Variants in TRPC5 observed in about 807,000 individuals in gnomAD.
The protein encoded by TRPC5 is transient receptor potential cation channel subfamily C member 5.
Under a neutral mutation model 56.5 loss-of-function variants are expected in TRPC5, and 9 were observed. That is an observed-to-expected ratio of 0.16 (90% CI 0.10 to 0.28). The LOEUF (loss-of-function observed/expected upper bound fraction) is 0.28. Ranked by LOEUF, TRPC5 falls within the 10% of genes least tolerant of loss-of-function variation. The probability of loss-of-function intolerance (pLI) is 1.00; values close to 1 mark genes in which losing one functional copy is unlikely to be tolerated. For missense variants in TRPC5, 469 were observed against 748.9 expected (o/e 0.63, Z 4.36); for synonymous variants, 282 against 278.5 (o/e 1.01, Z -0.13).
At chrX:111,808,231 G>A (rs958958517) in intron 7 of TRPC5, among the ~76,000 whole-genome samples, 1 of 110,625 alleles carries the variant, frequency 9.0e-6, no homozygotes, top group Non-Finnish European at 1.9e-5. Context: ...AGTTCCCCCA[G>A]TCCCCAGGTG....
chrX:111,995,887 G>T (rs1928512539), intron 1 of TRPC5, among the ~76,000 whole-genome samples: 2 of 108,869 alleles, frequency 1.8e-5, no homozygotes, highest in Non-Finnish European at 1.9e-5. Flanking sequence ...TATTAGTCTT[G>T]CTAGCGGTCT....
chrX:111,847,808 GA>G (rs368047879), intron 5 of TRPC5, among the ~76,000 whole-genome samples: 5 of 111,654 alleles, frequency 4.5e-5, no homozygotes, highest in African/African-American at 1.6e-4. Flanking sequence ...AGATAGTGGG[GA>G]AAAATCACCC....
intron 7 of TRPC5, among the ~76,000 whole-genome samples, chrX:111,833,584 A>G (rs1016972093): frequency 1.8e-5 from 2 of 111,305 alleles, no homozygotes; most frequent in African/African-American, 6.5e-5. Context: ...TTTCATTGCC[A>G]TTTATAGTTA....
At chrX:111,852,779 A>G (rs971310445) in intron 4 of TRPC5, among the ~76,000 whole-genome samples, 5 of 111,966 alleles carry the variant, frequency 4.5e-5, no homozygotes, top group Admixed American at 1.9e-4. Context: ...CAATAAATTA[A>G]TTAGATCAGT....
At chrX:111,949,272 G>A (rs1203001597) in intron 2 of TRPC5, among the ~76,000 whole-genome samples, 1 of 112,159 alleles carries the variant, frequency 8.9e-6, no homozygotes, top group East Asian at 2.8e-4. Context: ...CTAGGTATTG[G>A]CTTAGGCAAA....
At chrX:111,999,192 T>G (rs73548146) in intron 1 of TRPC5, among the ~76,000 whole-genome samples, 17,482 of 110,773 alleles carry the variant, frequency 0.16, 3,146 homozygotes, top group African/African-American at 0.52. Context: ...GAACATGCAG[T>G]AACACTATAA....
At chrX:111,788,923 AC>A (rs915706236) in intron 7 of TRPC5, among the ~76,000 whole-genome samples, 1 of 112,056 alleles carries the variant, frequency 8.9e-6, no homozygotes, top group Non-Finnish European at 1.9e-5. Context: ...TAGGGTACAA[AC>A]AAATGGAAGA....
chrX:112,035,198 T>A (rs73266338), intron 1 of TRPC5, among the ~76,000 whole-genome samples: 4,112 of 109,930 alleles, frequency 0.037, 79 homozygotes, highest in Middle Eastern at 0.06. Context: ...TACTTACCTG[T>A]TTCTCTGTAT....
intron 7 of TRPC5, among the ~76,000 whole-genome samples, chrX:111,804,778 A>G (rs1469181673): frequency 1.8e-5 from 2 of 111,786 alleles, no homozygotes; most frequent in Non-Finnish European, 3.8e-5. Context: ...CTAAATATAC[A>G]ATCATGTCAT....
At chrX:111,976,165 A>G (rs976051005) in intron 1 of TRPC5, among the ~76,000 whole-genome samples, 1 of 111,639 alleles carries the variant, frequency 9.0e-6, no homozygotes, top group Admixed American at 9.5e-5. Flanking sequence ...ACTCACACCT[A>G]TAGCCCCTGC....
chrX:111,952,532 A>G (rs1345326810), intron 1 of TRPC5, 91 bp from the exon 2 acceptor site: 2 of 883,939 alleles, frequency 2.3e-6, no homozygotes, highest in African/African-American at 4.1e-5. Flanking sequence ...CTAAGGGGTT[A>G]GAAAATCCTA....
intron 1 of TRPC5, among the ~76,000 whole-genome samples, chrX:112,028,959 C>A (rs1929507418): frequency 8.9e-6 from 1 of 112,423 alleles, no homozygotes; most frequent in Non-Finnish European, 1.9e-5. Flanking sequence ...TTGCTTTTAA[C>A]TTTTAATTTG....
intron 2 of TRPC5, among the ~76,000 whole-genome samples, chrX:111,920,215 C>A (rs1410139664): frequency 9.0e-6 from 1 of 111,229 alleles, no homozygotes; most frequent in Non-Finnish European, 1.9e-5. Context: ...ATGGAGGTTG[C>A]AGTGAGTGAA....
chrX:111,970,862 T>C (rs199866350), intron 1 of TRPC5, among the ~76,000 whole-genome samples: 79 of 105,983 alleles, frequency 7.5e-4, no homozygotes, highest in Admixed American at 7.2e-3. Context: ...CTCCGCCTCC[T>C]GGGTTCACAC....
intron 1 of TRPC5, among the ~76,000 whole-genome samples, chrX:111,960,442 AGTTATATATTT>A (rs1290996278): frequency 8.9e-6 from 1 of 112,472 alleles, no homozygotes; most frequent in Non-Finnish European, 1.9e-5. Context: ...ATAAGTAAAA[AGTTATATATTT>A]GTTTCCCTTA....
intron 1 of TRPC5, among the ~76,000 whole-genome samples, chrX:112,069,135 C>G (rs780715123): frequency 9.0e-6 from 1 of 111,730 alleles, no homozygotes; most frequent in East Asian, 2.8e-4. Flanking sequence ...ATTATTTAAT[C>G]CTCCCAACAA....
At chrX:111,966,093 A>C (rs1425882460) in intron 1 of TRPC5, among the ~76,000 whole-genome samples, 1 of 111,730 alleles carries the variant, frequency 9.0e-6, no homozygotes, top group African/African-American at 3.3e-5. Flanking sequence ...AAGACTAATA[A>C]AGAAGAAAAG....
chrX:111,933,869 T>C (rs1015154774), intron 2 of TRPC5, among the ~76,000 whole-genome samples: 1 of 110,934 alleles, frequency 9.0e-6, no homozygotes, highest in Non-Finnish European at 1.9e-5. Flanking sequence ...CCCAAAATAA[T>C]TTATTTTTAT....
At chrX:111,872,710 C>G (rs752867102) in intron 3 of TRPC5, among the ~76,000 whole-genome samples, 2 of 111,443 alleles carry the variant, frequency 1.8e-5, no homozygotes, top group East Asian at 5.7e-4. Flanking sequence ...TGAACAGACA[C>G]TTCTCAAAAG....
Sources: gnomAD v4.1 joint callset for allele counts (sites outside exome capture counted in the v4.1 genomes callset) on GRCh38, gnomAD v4.1.1 for gene constraint, MANE v1.5 for transcripts, NCBI Gene and HGNC (gene_info 2026-07-23, HGNC 2026-07-21) for gene names.